ING3: variants seen among roughly 807,000 people sequenced by gnomAD.
ING3 encodes inhibitor of growth family member 3, also known as inhibitor of growth protein 3.
In ING3, 6 loss-of-function variants were observed where a neutral mutation model predicts 64.8. That is an observed-to-expected ratio of 0.09 (90% confidence interval 0.05 to 0.18). The LOEUF (loss-of-function observed/expected upper bound fraction) is 0.18, where lower values mean the gene tolerates loss of function less well. Ranked by LOEUF, ING3 falls within the 10% of genes least tolerant of loss-of-function variation. The pLI, the probability that ING3 is intolerant of heterozygous loss-of-function variation, is 1.00. For synonymous variants in ING3, 170 were observed against 173.7 expected, an observed-to-expected ratio of 0.98 and a Z score of 0.17; for missense variants, 310 against 489.7, an observed-to-expected ratio of 0.63 and a Z score of 3.46.
chr7:120,967,508 G>C, intron 6 of ING3, 21 bp from the exon 7 acceptor site: 1 of 1,486,308 alleles, frequency 6.7e-7, no homozygotes, highest in Non-Finnish European at 9.2e-7. Context: ...AAAAACACAT[G>C]AATTTTTTAT....
intron 4 of ING3, among the ~76,000 whole-genome samples, chr7:120,961,162 CAG>C (rs1795928203): frequency 6.6e-6 from 1 of 152,132 alleles, no homozygotes; most frequent in East Asian, 1.9e-4. Context: ...GATGATTAGA[CAG>C]AGTTATATGC....
intron 10 of ING3, among the ~76,000 whole-genome samples, chr7:120,971,853 G>A (rs950371466): frequency 6.6e-6 from 1 of 151,826 alleles, no homozygotes; most frequent in African/African-American, 2.4e-5. Flanking sequence ...ATATTTTCTA[G>A]AAATTTATTA....
At chr7:120,962,721 TTG>T (rs1403439494) in intron 4 of ING3, among the ~76,000 whole-genome samples, 1 of 152,126 alleles carries the variant, frequency 6.6e-6, no homozygotes, top group Non-Finnish European at 1.5e-5. Flanking sequence ...ACATTTTTTA[TTG>T]TGATTCCTTT....
intron 6 of ING3, 50 bp from the exon 7 acceptor site, chr7:120,967,479 C>T: frequency 7.4e-7 from 1 of 1,358,398 alleles, no homozygotes. Context: ...TATGCCTTGT[C>T]CATAGTTCTC....
Position 120,975,311 on chromosome 7 carries a change from T to G in ING3, c.*467T>G, listed in dbSNP as rs2116696484. ...AAAAAGTCAGTGCTTCTAAAAAGAA[T>G]TTAAGATAATGGTTTTTAAAATGCC... On this transcript the variant is annotated 3_prime_UTR_variant, in exon 12 of 12. Coordinates refer to ENST00000315870, the MANE Select transcript of ING3 (RefSeq NM_019071.3). 1 of 152,024 alleles carries G rather than the reference T, an allele frequency of 6.6e-6. No homozygotes were observed. The highest frequency in any genetic ancestry group is 1.9e-4 in the East Asian group (1 of 5,180). 9.4% of individuals were successfully genotyped at this position (152,024 alleles called of 1,614,324 possible). A position where few individuals can be genotyped will look rare whatever the true frequency, so the allele number is the denominator to read the frequency against.
At chr7:120,951,882 A>G (rs6964344) in intron 2 of ING3, among the ~76,000 whole-genome samples, 31,007 of 152,126 alleles carry the variant, frequency 0.2, 5,954 homozygotes, top group African/African-American at 0.49. Flanking sequence ...GGTAGTCTCT[A>G]GGACTTTTTC....
In ING3 at chr7:120,950,882, G is replaced by A. The variant is rs4523189; in HGVS notation, c.-15G>A. 1.2e-6 allele frequency: 2 copies of A among 1,612,980 alleles called. No individual in the cohort carries two copies. The highest frequency in any genetic ancestry group is 1.7e-6 in the Non-Finnish European group (2 of 1,179,574). ...ACCCCTGGACCCCCTTGTTCCCTCA[G>A]CTCTAAGGGCCGCGATGTTGTACCT... On this transcript the variant is annotated 5_prime_UTR_variant, in exon 1 of 12. Coordinates refer to ENST00000315870, the MANE Select transcript of ING3 (RefSeq NM_019071.3).
At chr7:120,954,179 A>G (rs759963913) in intron 3 of ING3, among the ~76,000 whole-genome samples, 2 of 152,134 alleles carry the variant, frequency 1.3e-5, no homozygotes, top group African/African-American at 4.8e-5. Context: ...TAATCCTAGC[A>G]CTTTGAGAGG....
chr7:120,964,705 A>G (rs1020595203), intron 4 of ING3, 37 bp from the exon 5 acceptor site: 1 of 1,573,894 alleles, frequency 6.4e-7, no homozygotes, highest in Non-Finnish European at 8.7e-7. Context: ...ACAGTGTCCC[A>G]AATTTTGGTG....
At chr7:120,966,735 T>C (rs1473924673) in intron 6 of ING3, 38 bp downstream of exon 6, 1 of 1,403,546 alleles carries the variant, frequency 7.1e-7, no homozygotes, top group South Asian at 1.2e-5. Flanking sequence ...TTAAAAACAA[T>C]GAAAACCTTA....
In ING3 at chr7:120,975,678, A is replaced by G. The variant is rs904140578; in HGVS notation, c.*834A>G. On this transcript the variant is annotated 3_prime_UTR_variant, in exon 12 of 12. Coordinates refer to ENST00000315870, the MANE Select transcript of ING3 (RefSeq NM_019071.3). Reference sequence around the variant, plus strand: ...AATTACTTGTATTTATACTTTACATACTTAATAATGAAAATTTCTGAATTC... The same window carrying G: ...AATTACTTGTATTTATACTTTACATGCTTAATAATGAAAATTTCTGAATTC... The G allele has an allele frequency of 2.6e-5, 4 of 152,166 alleles. No homozygotes were observed. Among genetic ancestry groups the G allele is most frequent in the Non-Finnish European group, 4.4e-5 (3 of 68,016 alleles). 9.4% of individuals were successfully genotyped at this position (152,166 alleles called of 1,614,324 possible).
At chr7:120,956,383 T>C in intron 4 of ING3, 1 of 1,325,420 alleles carries the variant, frequency 7.5e-7, no homozygotes, top group Non-Finnish European at 9.7e-7. Flanking sequence ...TATGTTGTCT[T>C]TCCTGGGTAC....
intron 3 of ING3, 121 bp downstream of exon 3, chr7:120,953,525 A>C: frequency 1.7e-6 from 1 of 605,826 alleles, no homozygotes; most frequent in South Asian, 2.1e-5. Flanking sequence ...ACTCCTTAGA[A>C]TATAAATAAT....
intron 4 of ING3, among the ~76,000 whole-genome samples, chr7:120,959,529 A>G (rs568007981): frequency 2.7e-5 from 4 of 148,576 alleles, no homozygotes; most frequent in East Asian, 4.0e-4. Context: ...CTGCCCCATC[A>G]CCAACTTTTT....
intron 4 of ING3, among the ~76,000 whole-genome samples, chr7:120,957,967 C>T (rs1007756802): frequency 6.6e-6 from 1 of 152,144 alleles, no homozygotes; most frequent in Non-Finnish European, 1.5e-5. Flanking sequence ...ACATACAATG[C>T]TATTAGTTTG....
rs759790329 is a variant in ING3, at chr7:120,968,099, G to GT, written c.714+9dup. 1 of 1,612,362 alleles carries GT rather than the reference G, an allele frequency of 6.2e-7. No homozygotes were observed. Among genetic ancestry groups the GT allele is most frequent in the Non-Finnish European group, 8.5e-7 (1 of 1,179,320 alleles). ...GTTCAGGCTACAGCTCAGGTAAAAA[G>GT]TAAAGGGTTTAGAGACAAAATGTTA... On this transcript the variant is annotated intron_variant, in intron 8 of 11. Transcript: ENST00000315870.
In ING3 at chr7:120,956,440, G is replaced by T. The variant is rs112613867; in HGVS notation, c.267+816G>T. 9.3e-5 allele frequency: 113 copies of T among 1,213,582 alleles called. 1 individual carries two copies. The African/African-American group carries it at 1.5e-3, about 17-fold the overall frequency. The allele number at this position is 1,213,582 out of a possible 1,614,324, so 75.2% of individuals were successfully genotyped here. On this transcript the variant is annotated intron_variant, in intron 4 of 11. Transcript: ENST00000315870. Reference sequence around the variant, plus strand: ...CGTGTAAGTAAAATGTCATTGGTGAGCAGGACACAAGATAAAAGGTGAACA... The same window carrying T: ...CGTGTAAGTAAAATGTCATTGGTGATCAGGACACAAGATAAAAGGTGAACA...
chr7:120,959,339 C>G (rs1457572716), intron 4 of ING3, among the ~76,000 whole-genome samples: 1 of 152,206 alleles, frequency 6.6e-6, no homozygotes, highest in Non-Finnish European at 1.5e-5. Flanking sequence ...TTGAGAGACA[C>G]TCCTCTATTG....
chr7:120,957,167 C>T (rs543455953), intron 4 of ING3, among the ~76,000 whole-genome samples: 20 of 152,076 alleles, frequency 1.3e-4, no homozygotes, highest in African/African-American at 4.3e-4. Flanking sequence ...ATCAGGAGAT[C>T]GCGACCATCC....
Sources: gnomAD v4.1 joint callset for allele counts (sites outside exome capture counted in the v4.1 genomes callset) on GRCh38, gnomAD v4.1.1 for gene constraint, MANE v1.5 for transcripts, NCBI Gene and HGNC (gene_info 2026-07-23, HGNC 2026-07-21) for gene names.